The following SLC14A2 variants were observed in gnomAD, a reference collection of about 807,000 sequenced individuals.
The protein encoded by SLC14A2 is urea transporter 2.
A neutral mutation model predicts 104.6 loss-of-function variants in SLC14A2; 91 were observed. The ratio of observed to expected loss-of-function variants is 0.87; its 90% CI spans 0.73 to 1.04. SLC14A2 has a LOEUF of 1.04. Among genes scored for constraint, SLC14A2 ranks in the 50% least tolerant of loss-of-function variants. The pLI is 0.00. For missense variants in SLC14A2, 1,189 were observed against 1,156.0 expected (o/e 1.03, Z -0.41); for synonymous variants, 476 against 466.4 (o/e 1.02, Z -0.27).
At chr18:45,358,703 G>A in intron 1 of SLC14A2, among the ~76,000 whole-genome samples, 1 of 152,098 alleles carries the variant, frequency 6.6e-6, no homozygotes, top group East Asian at 1.9e-4. Flanking sequence ...TCAGCCTCCT[G>A]AGTACAGAGA....
intron 1 of SLC14A2, among the ~76,000 whole-genome samples, chr18:45,393,812 C>A (rs369427892): frequency 1.3e-5 from 2 of 152,248 alleles, no homozygotes; most frequent in East Asian, 1.9e-4. Flanking sequence ...CCAACACTCA[C>A]TGAGTTCTCA....
At chr18:45,478,182 A>T (rs1383044178) in intron 1 of SLC14A2, among the ~76,000 whole-genome samples, 3 of 152,226 alleles carry the variant, frequency 2.0e-5, no homozygotes, top group Non-Finnish European at 4.4e-5. Flanking sequence ...TATCTGAGCC[A>T]GAATGCACTG....
At chr18:45,576,260 C>G (rs1160237326) in intron 2 of SLC14A2, among the ~76,000 whole-genome samples, 1 of 137,898 alleles carries the variant, frequency 7.3e-6, no homozygotes, top group African/African-American at 2.7e-5. Context: ...GAGAAGGTGG[C>G]TGGAGCAGGG....
At chr18:45,395,148 A>T (rs1376239595) in intron 1 of SLC14A2, among the ~76,000 whole-genome samples, 1 of 152,208 alleles carries the variant, frequency 6.6e-6, no homozygotes, top group African/African-American at 2.4e-5. Context: ...CCATCAATGG[A>T]TGAATGGATT....
chr18:45,653,795 G>C (rs2045782052), intron 10 of SLC14A2, among the ~76,000 whole-genome samples: 1 of 152,188 alleles, frequency 6.6e-6, no homozygotes, highest in African/African-American at 2.4e-5. Flanking sequence ...CTAGTATTGG[G>C]CTGTGCAGAA....
intron 10 of SLC14A2, among the ~76,000 whole-genome samples, chr18:45,656,321 A>G (rs1253578509): frequency 1.6e-5 from 1 of 63,964 alleles, no homozygotes; most frequent in Admixed American, 1.6e-4. Flanking sequence ...GGGAGAACAG[A>G]GGGCCAGTGA....
chr18:45,667,198 A>T, intron 13 of SLC14A2, 104 bp downstream of exon 13: 3 of 789,654 alleles, frequency 3.8e-6, no homozygotes, highest in Non-Finnish European at 6.0e-6. Flanking sequence ...CTAGACTTAG[A>T]CTAGACTGCA....
At chr18:45,310,462 A>G (rs369952981) in intron 1 of SLC14A2, among the ~76,000 whole-genome samples, 1 of 152,226 alleles carries the variant, frequency 6.6e-6, no homozygotes, top group East Asian at 1.9e-4. Context: ...ATTAAAGTTA[A>G]CTGGCTTGAA....
At chr18:45,450,909 T>G (rs1203575338) in intron 1 of SLC14A2, among the ~76,000 whole-genome samples, 1 of 152,198 alleles carries the variant, frequency 6.6e-6, no homozygotes, top group Non-Finnish European at 1.5e-5. Flanking sequence ...CAGCTGCTAC[T>G]GTGGGCCATT....
chr18:45,275,973 T>C (rs2084698302), intron 1 of SLC14A2, among the ~76,000 whole-genome samples: 1 of 152,240 alleles, frequency 6.6e-6, no homozygotes, highest in South Asian at 2.1e-4. Flanking sequence ...CAGGAAAACC[T>C]GTTTGCGAAG....
At chr18:45,514,594 T>C (rs77758357) in intron 2 of SLC14A2, among the ~76,000 whole-genome samples, 3,966 of 152,286 alleles carry the variant, frequency 0.026, 177 homozygotes, top group African/African-American at 0.09. Context: ...ATGCTGTGGA[T>C]GCCTACATTA....
At chr18:45,443,386 C>T (rs753024291) in intron 1 of SLC14A2, among the ~76,000 whole-genome samples, 3 of 152,202 alleles carry the variant, frequency 2.0e-5, no homozygotes, top group Non-Finnish European at 2.9e-5. Flanking sequence ...TCATCTGATG[C>T]TAATGGACTG....
intron 10 of SLC14A2, among the ~76,000 whole-genome samples, chr18:45,654,221 C>G (rs532618957): frequency 3.3e-5 from 5 of 152,090 alleles, no homozygotes; most frequent in African/African-American, 1.2e-4. Flanking sequence ...AACTGGCAGA[C>G]GTGCGCCAGG....
At chr18:45,206,995 G>A in the SLC14A2 span, among the ~76,000 whole-genome samples, 1 of 152,146 alleles carries the variant, frequency 6.6e-6, no homozygotes, top group Non-Finnish European at 1.5e-5. Flanking sequence ...GAATGCCTGG[G>A]AATGTTCATC....
chr18:45,411,902 G>C (rs955335690), intron 1 of SLC14A2, among the ~76,000 whole-genome samples: 16 of 152,114 alleles, frequency 1.1e-4, no homozygotes, highest in Non-Finnish European at 2.2e-4. Context: ...CCAGTATCCT[G>C]AAACTCCAGT....
intron 1 of SLC14A2, among the ~76,000 whole-genome samples, chr18:45,385,594 A>C (rs2085886805): frequency 6.6e-6 from 1 of 152,232 alleles, no homozygotes; most frequent in South Asian, 2.1e-4. Flanking sequence ...TGAATATTTT[A>C]TATCTCATTA....
chr18:45,389,066 T>A (rs2144405960), intron 1 of SLC14A2, among the ~76,000 whole-genome samples: 1 of 152,340 alleles, frequency 6.6e-6, no homozygotes, highest in Non-Finnish European at 1.5e-5. Context: ...TGATTTCAAA[T>A]CATTTTGATG....
At chr18:45,407,914 A>G (rs1164343211) in intron 1 of SLC14A2, among the ~76,000 whole-genome samples, 2 of 152,200 alleles carry the variant, frequency 1.3e-5, no homozygotes, top group Non-Finnish European at 2.9e-5. Flanking sequence ...CATAACAGAT[A>G]TAATGGTAAT....
intron 10 of SLC14A2, among the ~76,000 whole-genome samples, chr18:45,655,779 AT>A (rs1194064943): frequency 6.6e-6 from 1 of 152,170 alleles, no homozygotes; most frequent in East Asian, 1.9e-4. Context: ...GGTGTTCATT[AT>A]TTTTTGGTAA....
Sources: allele counts gnomAD v4.1 joint callset (sites outside exome capture counted in the v4.1 genomes callset), GRCh38; gene constraint gnomAD v4.1.1; transcripts MANE v1.5; gene names NCBI Gene and HGNC (gene_info 2026-07-23, HGNC 2026-07-21).